LRRC42: variants seen among roughly 807,000 people sequenced by gnomAD.
LRRC42 encodes the protein leucine rich repeat containing 42.
Under a neutral mutation model 44.3 loss-of-function variants are expected in LRRC42, and 43 were observed. The ratio of observed to expected loss-of-function variants is 0.97; its 90% confidence interval spans 0.76 to 1.25. The LOEUF (loss-of-function observed/expected upper bound fraction) is 1.25, where lower values mean the gene tolerates loss of function less well. Among genes scored for constraint, LRRC42 ranks in the 50% most tolerant of loss-of-function variants. The pLI, the probability that LRRC42 is intolerant of heterozygous loss-of-function variation, is 0.00. For synonymous variants in LRRC42, 207 were observed against 195.2 expected (o/e 1.06, Z -0.50); for missense variants, 540 against 509.1 (o/e 1.06, Z -0.58).
chr1:53,962,531 A>G (rs751132664), intron 7 of LRRC42, 122 bp downstream of exon 7: 4 of 688,436 alleles, frequency 5.8e-6, no homozygotes, highest in Non-Finnish European at 1.0e-5. Flanking sequence ...TGTCATCTTC[A>G]TGTCAAATTG....
chr1:53,951,258 G>A (rs1391465783), intron 2 of LRRC42, among the ~76,000 whole-genome samples: 8 of 152,196 alleles, frequency 5.3e-5, no homozygotes. Flanking sequence ...GTACGTGTAA[G>A]TCATAATGTA....
Position 53,967,867 on chromosome 1 carries a change from C to T in LRRC42, c.1215C>T (p.Asn405=), listed in dbSNP as rs1201452728. Residue 405 remains asparagine, a synonymous_variant, in exon 9 of 9, where the codon AAC becomes AAT. Transcript: ENST00000371370. ...PFEESETEQN[N]SSQPSKQKYV... Reference sequence around the variant, plus strand: ...AGGAGTCAGAGACAGAACAGAATAACTCTTCACAACCTTCAAAGCAGAAAT... The same window carrying T: ...AGGAGTCAGAGACAGAACAGAATAATTCTTCACAACCTTCAAAGCAGAAAT... 10 of 1,614,216 alleles carry T rather than the reference C, an allele frequency of 6.2e-6. No homozygotes were observed. The highest frequency in any genetic ancestry group is 2.2e-5 in the East Asian group (1 of 44,884).
rs532634714 is a variant in LRRC42 at position 53,948,207 on chromosome 1, A to C, written c.-15+386A>C. ...ATTTTTATCTTACTTTATCTACTGA[A>C]GTTAGATATTTTCTTCTTCTTCTCT... On this transcript the variant is annotated intron_variant, in intron 2 of 8. Transcript: ENST00000371370. Among the ~76,000 whole-genome samples the C allele has an allele frequency of 7.9e-5, 12 of 152,282 alleles. No homozygotes were observed. The East Asian group carries it at 1.5e-3, about 20-fold the overall frequency.
intron 7 of LRRC42, among the ~76,000 whole-genome samples, chr1:53,965,277 G>T (rs1284879727): frequency 1.3e-5 from 2 of 151,936 alleles, no homozygotes; most frequent in Non-Finnish European, 1.5e-5. Context: ...GAGCTACTGA[G>T]CCTGGCCTGG....
intron 5 of LRRC42, among the ~76,000 whole-genome samples, chr1:53,961,623 G>A (rs139885957): frequency 4.6e-5 from 7 of 152,318 alleles, no homozygotes; most frequent in East Asian, 3.9e-4. Context: ...GATAGTATCT[G>A]TGTCTAAGTT....
intron 2 of LRRC42, among the ~76,000 whole-genome samples, chr1:53,950,855 A>G (rs1654655623): frequency 6.6e-6 from 1 of 152,202 alleles, no homozygotes; most frequent in African/African-American, 2.4e-5. Flanking sequence ...ACTTTAATAG[A>G]TACGAAGTTT....
In LRRC42 at chr1:53,958,140, G is replaced by T. The variant is rs772617570; in HGVS notation, c.474-9G>T. ...GGGGAAGCTATTGATTGCTCTCCACGCTCCGTAGGTATCTCGTGATTTCAG... is the reference window on the plus strand; with the variant it reads ...GGGGAAGCTATTGATTGCTCTCCACTCTCCGTAGGTATCTCGTGATTTCAG... On this transcript the variant is annotated splice_polypyrimidine_tract_variant and intron_variant, in intron 3 of 8. Transcript: ENST00000371370. The T allele has an allele frequency of 6.2e-7, 1 of 1,612,912 alleles. No homozygotes were observed. Among genetic ancestry groups the T allele is most frequent in the Admixed American group, 1.7e-5 (1 of 59,954 alleles).
rs769427999 is a variant in LRRC42 at position 53,967,960 on chromosome 1, T to C, written c.*21T>C. 2 of 1,601,366 alleles carry C rather than the reference T, an allele frequency of 1.2e-6. No homozygotes were observed. Among genetic ancestry groups the C allele is most frequent in the Admixed American group, 1.7e-5 (1 of 58,818 alleles). On this transcript the variant is annotated 3_prime_UTR_variant, in exon 9 of 9. Coordinates refer to ENST00000371370, the MANE Select transcript of LRRC42 (RefSeq NM_001256409.2). ...ATTGATTAGTAGATACAAGTTGACC[T>C]TTCTCTGGCCCCCAGCTCTAGTGTT...
At chr1:53,964,598 G>A (rs776922019) in intron 7 of LRRC42, among the ~76,000 whole-genome samples, 1 of 152,154 alleles carries the variant, frequency 6.6e-6, no homozygotes, top group African/African-American at 2.4e-5. Context: ...CCATCCTGGT[G>A]TTCCCTGAAA....
chr1:53,951,051 G>A (rs1220420788), intron 2 of LRRC42, among the ~76,000 whole-genome samples: 1 of 152,164 alleles, frequency 6.6e-6, no homozygotes, highest in African/African-American at 2.4e-5. Context: ...AATTCAGCGT[G>A]GTTCCTTTTC....
chr1:53,953,223 C>G (rs1654742029), intron 3 of LRRC42, among the ~76,000 whole-genome samples: 1 of 152,230 alleles, frequency 6.6e-6, no homozygotes, highest in African/African-American at 2.4e-5. Flanking sequence ...AAATACCATT[C>G]CAGAGATATT....
chr1:53,963,538 C>A (rs185733469), intron 7 of LRRC42, among the ~76,000 whole-genome samples: 1 of 152,216 alleles, frequency 6.6e-6, no homozygotes, highest in Admixed American at 6.5e-5. Context: ...GAAACCAGGA[C>A]CTCTCTTGAG....
chr1:53,952,363 G>A lies in LRRC42; in HGVS notation c.364G>A (p.Ala122Thr). The A allele has an allele frequency of 6.2e-7, 1 of 1,614,046 alleles. No homozygotes were observed. The highest frequency in any genetic ancestry group is 8.5e-7 in the Non-Finnish European group (1 of 1,179,896). ...EQIAEKLFSA[A>T]EARQKFTEPG... ...GATTGCTGAAAAGCTGTTCTCTGCT[G>A]CTGAAGCCAGACAGAAATTCACTGA... The change falls in exon 3 of 9, where the codon GCT becomes ACT. Residue 122 changes from alanine to threonine, a missense_variant. Ala to Thr is a moderately conservative substitution (Grantham distance 58). Transcript: ENST00000371370.
In LRRC42 at chr1:53,958,202, C is replaced by G; in HGVS notation, c.527C>G (p.Thr176Ser). 1 of 1,613,922 alleles carries G rather than the reference C, an allele frequency of 6.2e-7. No individual in the cohort carries two copies. The highest frequency in any genetic ancestry group is 1.1e-5 in the South Asian group (1 of 91,072). ...GAGATTAAGTCTTTCCGGGAGCTGA[C>G]CTGCCTGGATCTTTCCTGTTGCAAG... The part of the protein sequence containing the change: ...LEEIKSFREL[T>S]CLDLSCCKLG... Residue 176 changes from threonine (T) to serine (S), a missense_variant, in exon 4 of 9, where the codon ACC becomes AGC. Transcript: ENST00000371370.
rs1203985832 is a variant in LRRC42, at chr1:53,965,001, TTTTTTTG to T, written c.928-1288_928-1282del. On this transcript the variant is annotated intron_variant, in intron 7 of 8. Transcript: ENST00000371370. Reference sequence around the variant, plus strand: ...GTGCCTGGCCTGGAACTGTATTGTTTTTTTTTGTTTTTTTTTTTTTTGGAGACAGAGT... The same window carrying T: ...GTGCCTGGCCTGGAACTGTATTGTTTTTTTTTTTTTTTTTGGAGACAGAGT... Among the ~76,000 whole-genome samples, 1,083 of 112,304 alleles carry T rather than the reference TTTTTTTG, an allele frequency of 9.6e-3. 27 individuals are homozygous for T. The highest frequency in any genetic ancestry group is 0.04 in the African/African-American group (1,033 of 25,870). The allele number at this position is 112,304 out of a possible 152,430, so 73.7% of individuals were successfully genotyped here.
At chr1:53,964,247 T>TGGCTCTCCC in intron 7 of LRRC42, among the ~76,000 whole-genome samples, 1 of 152,266 alleles carries the variant, frequency 6.6e-6, no homozygotes, top group Non-Finnish European at 1.5e-5. Context: ...GCCTCTCTCC[T>TGGCTCTCCC]GGCTCTCCCC....
intron 7 of LRRC42, among the ~76,000 whole-genome samples, chr1:53,965,511 G>A (rs1378395162): frequency 6.2e-5 from 9 of 144,910 alleles, no homozygotes; most frequent in African/African-American, 1.3e-4. Context: ...ACAGAATCTC[G>A]CTCTGTCACC....
At chr1:53,954,243 G>A (rs1654770253) in intron 3 of LRRC42, among the ~76,000 whole-genome samples, 1 of 152,178 alleles carries the variant, frequency 6.6e-6, no homozygotes, top group Non-Finnish European at 1.5e-5. Context: ...ATAAACACAT[G>A]CAGAAAAGAA....
rs749575202 is a variant in LRRC42 at position 53,966,284 on chromosome 1, A to G, written c.928-12A>G. On this transcript the variant is annotated splice_polypyrimidine_tract_variant and intron_variant, in intron 7 of 8. Coordinates refer to ENST00000371370, the MANE Select transcript of LRRC42 (RefSeq NM_001256409.2). ...TTTTGTTTGGATTCAAATCTTTCCA[A>G]ATATGTTTCAGATCGTTCTGCAGTG... is the stretch of plus-strand genomic sequence containing the variant. The G allele has an allele frequency of 5.6e-6, 9 of 1,605,798 alleles. No homozygotes were observed. The Admixed American group carries it at 8.3e-5, about 15-fold the overall frequency.
Sources: gnomAD v4.1 joint callset for allele counts (sites outside exome capture counted in the v4.1 genomes callset) on GRCh38, gnomAD v4.1.1 for gene constraint, MANE v1.5 for transcripts, NCBI Gene and HGNC (gene_info 2026-07-23, HGNC 2026-07-21) for gene names.